Variants in SUGCT observed in about 807,000 individuals in gnomAD.
The protein encoded by SUGCT is succinyl-CoA:glutarate-CoA transferase, also known as succinyl-CoA:glutarate CoA-transferase.
SUGCT carries 41 observed loss-of-function variants against 55.0 expected under a neutral mutation model. That is an observed-to-expected ratio of 0.74 (90% confidence interval 0.58 to 0.97). SUGCT has a LOEUF of 0.97. Ranked by LOEUF, SUGCT falls within the 50% of genes least tolerant of loss-of-function variation. SUGCT has a pLI of 0.00. For missense variants in SUGCT, 568 were observed against 547.8 expected, an observed-to-expected ratio of 1.04 and a Z score of -0.37; for synonymous variants, 187 against 200.4, an observed-to-expected ratio of 0.93 and a Z score of 0.56.
the SUGCT span, among the ~76,000 whole-genome samples, chr7:40,930,077 C>T: frequency 6.6e-6 from 1 of 152,048 alleles, no homozygotes; most frequent in Non-Finnish European, 1.5e-5. Flanking sequence ...GTCTTTAATC[C>T]ATCTTGAATT....
the SUGCT span, among the ~76,000 whole-genome samples, chr7:40,955,442 G>T: frequency 6.6e-6 from 1 of 152,218 alleles, no homozygotes; most frequent in South Asian, 2.1e-4. Flanking sequence ...TTTTTCTGTT[G>T]TTGGTGTATA....
intron 7 of SUGCT, among the ~76,000 whole-genome samples, chr7:40,265,331 G>A (rs1791493412): frequency 6.6e-6 from 1 of 152,090 alleles, no homozygotes. Flanking sequence ...AATGCTTGGC[G>A]ACTTTTCAAA....
At chr7:40,481,039 G>T (rs573728095) in intron 11 of SUGCT, among the ~76,000 whole-genome samples, 2 of 152,150 alleles carry the variant, frequency 1.3e-5, no homozygotes, top group African/African-American at 2.4e-5. Context: ...ATCAAGTCTG[G>T]TGCAGTGGCC....
the SUGCT span, among the ~76,000 whole-genome samples, chr7:40,899,171 G>A: frequency 6.6e-6 from 1 of 152,174 alleles, no homozygotes; most frequent in African/African-American, 2.4e-5. Flanking sequence ...CCCTTAACTT[G>A]TGCTGTGCAC....
At chr7:40,730,385 G>T (rs1355303076) in intron 12 of SUGCT, among the ~76,000 whole-genome samples, 1 of 152,194 alleles carries the variant, frequency 6.6e-6, no homozygotes, top group Non-Finnish European at 1.5e-5. Context: ...GGGATTACAG[G>T]TGTGAGCCAC....
intron 7 of SUGCT, among the ~76,000 whole-genome samples, chr7:40,238,633 C>T (rs1789163566): frequency 7.0e-6 from 1 of 143,588 alleles, no homozygotes; most frequent in Non-Finnish European, 1.5e-5. Context: ...TTGCAGTCTT[C>T]CTTTTATTTA....
intron 12 of SUGCT, among the ~76,000 whole-genome samples, chr7:40,548,309 T>C (rs1024680589): frequency 6.7e-6 from 1 of 150,176 alleles, no homozygotes; most frequent in African/African-American, 2.5e-5. Flanking sequence ...CCCGCTAAAC[T>C]GTCTGAATAG....
At chr7:40,946,525 A>G in the SUGCT span, among the ~76,000 whole-genome samples, 3 of 152,184 alleles carry the variant, frequency 2.0e-5, no homozygotes, top group South Asian at 4.1e-4. Flanking sequence ...TCCAGCTCCT[A>G]TGTGCTTATC....
intron 12 of SUGCT, among the ~76,000 whole-genome samples, chr7:40,610,751 G>A (rs553319442): frequency 1.3e-5 from 2 of 152,190 alleles, no homozygotes; most frequent in African/African-American, 4.8e-5. Flanking sequence ...TGGAATCCCA[G>A]TGCTGGTTTG....
chr7:40,279,824 G>C (rs981206261), intron 8 of SUGCT, among the ~76,000 whole-genome samples: 1 of 151,998 alleles, frequency 6.6e-6, no homozygotes, highest in Non-Finnish European at 1.5e-5. Context: ...TCAAAAAAGC[G>C]TAACAGGAAA....
At chr7:40,696,146 A>C (rs911084943) in intron 12 of SUGCT, among the ~76,000 whole-genome samples, 5 of 152,296 alleles carry the variant, frequency 3.3e-5, no homozygotes, top group Admixed American at 3.3e-4. Context: ...TCCAGCAACT[A>C]TCTGTTAATA....
chr7:40,358,078 A>G (rs1030045223), intron 9 of SUGCT, among the ~76,000 whole-genome samples: 7 of 152,240 alleles, frequency 4.6e-5, no homozygotes, highest in African/African-American at 1.7e-4. Flanking sequence ...TGAATAAGGC[A>G]ATTATAGAAA....
chr7:40,301,211 C>T (rs950244802), intron 8 of SUGCT, among the ~76,000 whole-genome samples: 2 of 152,168 alleles, frequency 1.3e-5, no homozygotes, highest in African/African-American at 4.8e-5. Context: ...TTTCACCATT[C>T]TGTCTCAGCA....
At chr7:40,847,771 G>A (rs1317117114) in intron 13 of SUGCT, among the ~76,000 whole-genome samples, 1 of 151,898 alleles carries the variant, frequency 6.6e-6, no homozygotes, top group Non-Finnish European at 1.5e-5. Context: ...AACCCCGAAG[G>A]GACAAGGGTG....
chr7:40,472,375 G>A (rs1790446113), intron 11 of SUGCT, among the ~76,000 whole-genome samples: 1 of 152,074 alleles, frequency 6.6e-6, no homozygotes, highest in African/African-American at 2.4e-5. Context: ...CTTTTTTACT[G>A]CATGGGAAAT....
chr7:40,222,276 G>C (rs1301033505), intron 6 of SUGCT, among the ~76,000 whole-genome samples: 8 of 152,332 alleles, frequency 5.3e-5, no homozygotes, highest in Admixed American at 5.2e-4. Flanking sequence ...ACAATAAGTA[G>C]GCTTTAAATC....
rs141914975 is a variant in SUGCT at position 40,705,314 on chromosome 7, T to G, written c.1090-44120T>G. Reference sequence around the variant, plus strand: ...AATTGACATTGGTATAATGTATATGTATTATGTCATGCCATTTCATCCCAG... The same window carrying G: ...AATTGACATTGGTATAATGTATATGGATTATGTCATGCCATTTCATCCCAG... On this transcript the variant is annotated intron_variant, in intron 12 of 13. Transcript: ENST00000335693. Among the ~76,000 whole-genome samples the G allele has an allele frequency of 6.1e-4, 93 of 152,334 alleles. 1 individual carries two copies. The highest frequency in any genetic ancestry group is 2.2e-3 in the African/African-American group (93 of 41,566).
At chr7:40,850,259 A>G (rs1351295776) in intron 13 of SUGCT, among the ~76,000 whole-genome samples, 1 of 152,178 alleles carries the variant, frequency 6.6e-6, no homozygotes, top group Non-Finnish European at 1.5e-5. Context: ...TGTGAATCAT[A>G]GCCCTGCTCC....
At chr7:40,810,242 C>T (rs1791338336) in intron 13 of SUGCT, among the ~76,000 whole-genome samples, 1 of 152,222 alleles carries the variant, frequency 6.6e-6, no homozygotes, top group African/African-American at 2.4e-5. Flanking sequence ...CCTCCCACCT[C>T]AGCCTCCCAA....
Sources: gnomAD v4.1 joint callset for allele counts (sites outside exome capture counted in the v4.1 genomes callset) on GRCh38, gnomAD v4.1.1 for gene constraint, MANE v1.5 for transcripts, NCBI Gene and HGNC (gene_info 2026-07-23, HGNC 2026-07-21) for gene names.